Variants in CSMD1 observed in about 807,000 individuals in gnomAD.
CSMD1 encodes CUB and sushi domain-containing protein 1.
CSMD1 carries 213 observed loss-of-function variants against 417.5 expected under a neutral mutation model. The ratio of observed to expected loss-of-function variants is 0.51; its 90% CI spans 0.46 to 0.57. CSMD1 has a LOEUF of 0.57. Among genes scored for constraint, CSMD1 ranks in the 20% least tolerant of loss-of-function variants. CSMD1 has a pLI of 0.00. For missense variants in CSMD1, 6,923 were observed against 4,529.7 expected (o/e 1.53, Z -15.17); for synonymous variants, 2,862 against 1,736.8 (o/e 1.65, Z -16.11).
intron 3 of CSMD1, among the ~76,000 whole-genome samples, chr8:4,343,144 A>T (rs1417929144): frequency 6.6e-6 from 1 of 152,172 alleles, no homozygotes; most frequent in Non-Finnish European, 1.5e-5. Flanking sequence ...CAGATGCCAC[A>T]TGAAATGGGC....
intron 52 of CSMD1, among the ~76,000 whole-genome samples, chr8:3,005,234 G>A (rs1210180428): frequency 6.6e-6 from 1 of 152,210 alleles, no homozygotes; most frequent in African/African-American, 2.4e-5. Context: ...GTGGGACCCA[G>A]GAATTTGAAC....
intron 5 of CSMD1, among the ~76,000 whole-genome samples, chr8:3,924,771 G>A (rs911142692): frequency 8.5e-5 from 12 of 141,362 alleles, no homozygotes; most frequent in Non-Finnish European, 1.8e-4. Flanking sequence ...TGTTTTTCTG[G>A]TACTCTTCAA....
At chr8:3,398,580 G>A (rs1030679490) in intron 16 of CSMD1, among the ~76,000 whole-genome samples, 6 of 152,066 alleles carry the variant, frequency 3.9e-5, no homozygotes, top group African/African-American at 1.4e-4. Context: ...TAATATTCCG[G>A]ATACTGAAAT....
chr8:4,270,057 T>A (rs368965062), intron 3 of CSMD1, among the ~76,000 whole-genome samples: 7 of 152,194 alleles, frequency 4.6e-5, no homozygotes, highest in African/African-American at 1.7e-4. Flanking sequence ...TGATGAAATA[T>A]TGAAAAGCTT....
At chr8:4,637,643 AATTTTTTTTT>A in intron 1 of CSMD1, 85 bp from the exon 2 acceptor site, 1 of 381,426 alleles carries the variant, frequency 2.6e-6, no homozygotes, top group Non-Finnish European at 4.3e-6. Context: ...CACTTTAGCC[AATTTTTTTTT>A]TTTTTTTTTT....
intron 5 of CSMD1, among the ~76,000 whole-genome samples, chr8:3,910,069 C>T (rs1322325001): frequency 6.6e-6 from 1 of 152,008 alleles, no homozygotes; most frequent in African/African-American, 2.4e-5. Flanking sequence ...GAGCAAAGAC[C>T]AGCTGCTAAC....
chr8:4,425,442 T>C (rs1260673340), intron 2 of CSMD1, among the ~76,000 whole-genome samples: 1 of 151,224 alleles, frequency 6.6e-6, no homozygotes, highest in African/African-American at 2.4e-5. Context: ...GATGAGTGGA[T>C]CCAATTGATC....
At chr8:4,608,983 C>G (rs1037628713) in intron 2 of CSMD1, among the ~76,000 whole-genome samples, 1 of 150,018 alleles carries the variant, frequency 6.7e-6, no homozygotes, top group African/African-American at 2.5e-5. Context: ...TGCTGAGGTG[C>G]TCAAAGGAAT....
At chr8:3,619,979 G>C (rs777808427) in intron 7 of CSMD1, among the ~76,000 whole-genome samples, 2 of 152,162 alleles carry the variant, frequency 1.3e-5, no homozygotes, top group Admixed American at 6.6e-5. Context: ...GCAGGCACCT[G>C]TAATCCCAGC....
intron 2 of CSMD1, among the ~76,000 whole-genome samples, chr8:4,493,647 A>T (rs1471271099): frequency 6.6e-6 from 1 of 152,190 alleles, no homozygotes; most frequent in Non-Finnish European, 1.5e-5. Context: ...GTGAGCTATG[A>T]GCGTGCCAAT....
chr8:3,589,048 A>G (rs1403317653), intron 8 of CSMD1, among the ~76,000 whole-genome samples: 1 of 152,182 alleles, frequency 6.6e-6, no homozygotes, highest in Non-Finnish European at 1.5e-5. Context: ...CACACCTGTT[A>G]AGATGGCTAT....
intron 42 of CSMD1, among the ~76,000 whole-genome samples, chr8:3,114,066 CA>C (rs765786494): frequency 1.3e-4 from 19 of 151,722 alleles, no homozygotes; most frequent in Non-Finnish European, 2.4e-4. Context: ...AACAAACAAA[CA>C]AACAAACAAA....
intron 6 of CSMD1, among the ~76,000 whole-genome samples, chr8:3,748,832 C>G (rs1226995111): frequency 2.6e-5 from 4 of 152,222 alleles, no homozygotes; most frequent in Middle Eastern, 3.4e-3. Context: ...GAACTATAAC[C>G]TAAAAACAAA....
At chr8:3,878,161 C>A (rs570392223) in intron 5 of CSMD1, among the ~76,000 whole-genome samples, 1 of 151,898 alleles carries the variant, frequency 6.6e-6, no homozygotes, top group Admixed American at 6.6e-5. Flanking sequence ...ATTTTTTGCA[C>A]GAGAGATTCA....
intron 11 of CSMD1, among the ~76,000 whole-genome samples, chr8:3,488,937 A>G (rs2055339): frequency 0.41 from 62,155 of 152,042 alleles, 13,653 homozygotes; most frequent in African/African-American, 0.59. Context: ...TTAAAACCGA[A>G]AATGTATTTA....
chr8:4,122,402 T>C (rs1252469342), intron 3 of CSMD1, among the ~76,000 whole-genome samples: 1 of 152,104 alleles, frequency 6.6e-6, no homozygotes, highest in East Asian at 1.9e-4. Context: ...ACCAACATGA[T>C]CCCATTAAAT....
At chr8:4,123,029 A>C (rs1455778917) in intron 3 of CSMD1, among the ~76,000 whole-genome samples, 2 of 152,228 alleles carry the variant, frequency 1.3e-5, no homozygotes, top group African/African-American at 2.4e-5. Context: ...TTACAATCAG[A>C]GACTGGAATT....
chr8:3,623,131 ATAAAT>A lies in CSMD1; in HGVS notation c.1010-6339_1010-6335del, dbSNP rs566142076. 3.3e-5 allele frequency among the ~76,000 whole-genome samples: 5 copies of A among 152,246 alleles called. No homozygotes were observed. In the East Asian group the frequency reaches 5.8e-4, roughly 18 times the overall value. On this transcript the variant is annotated intron_variant, in intron 7 of 69. Coordinates refer to ENST00000635120, the MANE Select transcript of CSMD1 (RefSeq NM_033225.6). ...TAATTATGCAAGTGGATGATCAGATATAAATTAGACAGTTTGTAAAAGAGTTTAAA... is the reference window on the plus strand; with the variant it reads ...TAATTATGCAAGTGGATGATCAGATATAGACAGTTTGTAAAAGAGTTTAAA...
intron 26 of CSMD1, among the ~76,000 whole-genome samples, chr8:3,249,571 CAAAA>C (rs1197526496): frequency 6.6e-6 from 1 of 151,742 alleles, no homozygotes; most frequent in Non-Finnish European, 1.5e-5. Context: ...GATCAAGTCT[CAAAA>C]AAATAAGTTT....
Sources: gnomAD v4.1 joint callset for allele counts (sites outside exome capture counted in the v4.1 genomes callset) on GRCh38, gnomAD v4.1.1 for gene constraint, MANE v1.5 for transcripts, NCBI Gene and HGNC (gene_info 2026-07-23, HGNC 2026-07-21) for gene names.